Variants in CSMD1 observed in about 807,000 individuals in gnomAD.
CSMD1 encodes the protein CUB and sushi domain-containing protein 1.
A neutral mutation model predicts 417.5 loss-of-function variants in CSMD1; 213 were observed. The observed-to-expected ratio is 0.51, with a 90% CI of 0.46 to 0.57. The LOEUF is 0.57. CSMD1 is among the 20% of genes least tolerant of loss of function. The pLI is 0.00. For missense variants in CSMD1, 6,923 were observed against 4,529.7 expected, an observed-to-expected ratio of 1.53 and a Z score of -15.17; for synonymous variants, 2,862 against 1,736.8, an observed-to-expected ratio of 1.65 and a Z score of -16.11.
intron 5 of CSMD1, among the ~76,000 whole-genome samples, chr8:3,770,920 T>G (rs1798534193): frequency 6.6e-6 from 1 of 152,166 alleles, no homozygotes; most frequent in Non-Finnish European, 1.5e-5. Context: ...CATTTTCAGA[T>G]AGCTTGGTGA....
chr8:4,218,030 T>C (rs968057111), intron 3 of CSMD1, among the ~76,000 whole-genome samples: 7 of 152,206 alleles, frequency 4.6e-5, no homozygotes, highest in African/African-American at 1.7e-4. Flanking sequence ...TATGCTTTAC[T>C]GATGGGTTTC....
intron 7 of CSMD1, among the ~76,000 whole-genome samples, chr8:3,629,682 C>T (rs923121903): frequency 3.3e-5 from 5 of 151,990 alleles, no homozygotes; most frequent in African/African-American, 7.2e-5. Flanking sequence ...TAAGAGATTA[C>T]GGAGATAGAA....
At chr8:3,700,085 A>C (rs190393023) in intron 7 of CSMD1, among the ~76,000 whole-genome samples, 137 of 152,292 alleles carry the variant, frequency 9.0e-4, no homozygotes, top group African/African-American at 3.2e-3. Flanking sequence ...GAATGATACA[A>C]AGGGCTCTGT....
intron 8 of CSMD1, among the ~76,000 whole-genome samples, chr8:3,591,383 T>G (rs1471548001): frequency 6.6e-6 from 1 of 152,238 alleles, no homozygotes; most frequent in Non-Finnish European, 1.5e-5. Context: ...TCTAAGTGAG[T>G]AAACTATTTC....
chr8:3,518,075 TGATTATAACTATAAAACAATATGACTATA>T (rs1797355777), intron 10 of CSMD1, among the ~76,000 whole-genome samples: 1 of 152,130 alleles, frequency 6.6e-6, no homozygotes, highest in Non-Finnish European at 1.5e-5. Flanking sequence ...TTAGAAAATG[TGATTATAACTATAAAACAATATGACTATA>T]GATTATAACT....
intron 3 of CSMD1, among the ~76,000 whole-genome samples, chr8:4,138,700 T>A (rs1322934588): frequency 6.6e-6 from 1 of 152,184 alleles, no homozygotes; most frequent in Non-Finnish European, 1.5e-5. Context: ...ATGAATTCAA[T>A]ATTTCTTCAT....
At chr8:3,337,059 G>A (rs766345132) in intron 23 of CSMD1, among the ~76,000 whole-genome samples, 18 of 152,048 alleles carry the variant, frequency 1.2e-4, no homozygotes, top group Non-Finnish European at 2.5e-4. Flanking sequence ...GCTGGGGTTG[G>A]CCAGGCCTTG....
chr8:3,451,074 A>C (rs138806929), intron 12 of CSMD1, among the ~76,000 whole-genome samples: 14,871 of 152,236 alleles, frequency 0.098, 867 homozygotes, highest in East Asian at 0.25. Context: ...AGTGATGACG[A>C]GCATTTTTTC....
intron 5 of CSMD1, among the ~76,000 whole-genome samples, chr8:3,883,656 A>G (rs979002103): frequency 6.6e-6 from 1 of 152,172 alleles, no homozygotes; most frequent in Admixed American, 6.5e-5. Flanking sequence ...TACTGATATT[A>G]TTAATTTACA....
At chr8:3,889,277 G>A (rs905063975) in intron 5 of CSMD1, among the ~76,000 whole-genome samples, 29 of 151,328 alleles carry the variant, frequency 1.9e-4, no homozygotes, top group African/African-American at 7.0e-4. Context: ...TTTCTAGAAA[G>A]CCATTGCCTT....
chr8:3,808,711 C>A (rs190411280), intron 5 of CSMD1, among the ~76,000 whole-genome samples: 2 of 152,158 alleles, frequency 1.3e-5, no homozygotes, highest in South Asian at 2.1e-4. Flanking sequence ...TTCCCACTTG[C>A]GTAAACTTTC....
intron 3 of CSMD1, among the ~76,000 whole-genome samples, chr8:4,240,680 C>T (rs1802346349): frequency 6.6e-6 from 1 of 152,140 alleles, no homozygotes; most frequent in South Asian, 2.1e-4. Context: ...GGCTCCCATC[C>T]CCTAATGTAA....
At chr8:4,814,127 T>G (rs749498398) in intron 1 of CSMD1, among the ~76,000 whole-genome samples, 81 of 152,380 alleles carry the variant, frequency 5.3e-4, no homozygotes, top group African/African-American at 1.9e-3. Flanking sequence ...TCAGCCTATT[T>G]CTTGGAATAT....
chr8:3,338,283 C>T (rs904278324), intron 23 of CSMD1, among the ~76,000 whole-genome samples: 4 of 152,266 alleles, frequency 2.6e-5, no homozygotes, highest in South Asian at 2.1e-4. Flanking sequence ...CTTAGTCATG[C>T]GTGGGTGCTG....
intron 6 of CSMD1, among the ~76,000 whole-genome samples, chr8:3,749,619 G>C (rs1459415040): frequency 6.6e-6 from 1 of 152,182 alleles, no homozygotes; most frequent in Non-Finnish European, 1.5e-5. Flanking sequence ...ATTTGTCTTT[G>C]AGAAGTTACA....
At chr8:3,261,625 C>G (rs112304265) in intron 26 of CSMD1, among the ~76,000 whole-genome samples, 131 of 152,238 alleles carry the variant, frequency 8.6e-4, no homozygotes, top group African/African-American at 3.0e-3. Flanking sequence ...AGTGATTAAA[C>G]CAACTGCTGC....
intron 3 of CSMD1, among the ~76,000 whole-genome samples, chr8:4,244,888 G>C (rs1292457426): frequency 1.3e-5 from 2 of 152,124 alleles, no homozygotes; most frequent in East Asian, 1.9e-4. Context: ...ACTCCTGATA[G>C]ATATAATGGA....
At chr8:4,539,284 C>T (rs575319200) in intron 2 of CSMD1, among the ~76,000 whole-genome samples, 48 of 152,282 alleles carry the variant, frequency 3.2e-4, no homozygotes, top group Admixed American at 3.1e-3. Context: ...AGATAGTATG[C>T]ATATGTGGGA....
chr8:3,333,655 G>C (rs776710202), intron 23 of CSMD1, among the ~76,000 whole-genome samples: 6 of 152,108 alleles, frequency 3.9e-5, no homozygotes, highest in Non-Finnish European at 8.8e-5. Flanking sequence ...GTGGATTTAC[G>C]TGCAGGCTGA....
Sources: gnomAD v4.1 joint callset for allele counts (sites outside exome capture counted in the v4.1 genomes callset) on GRCh38, gnomAD v4.1.1 for gene constraint, MANE v1.5 for transcripts, NCBI Gene and HGNC (gene_info 2026-07-23, HGNC 2026-07-21) for gene names.